CTNNBL1: variants seen among roughly 807,000 people sequenced by gnomAD.
The protein encoded by CTNNBL1 is catenin beta like 1.
CTNNBL1 carries 31 observed loss-of-function variants against 72.7 expected under a neutral mutation model. The observed-to-expected ratio is 0.43, with a 90% confidence interval of 0.32 to 0.58. The LOEUF is 0.58. Ranked by LOEUF, CTNNBL1 falls within the 20% of genes least tolerant of loss-of-function variation. The pLI is 0.08. For synonymous variants in CTNNBL1, 240 were observed against 267.3 expected (o/e 0.90, Z 1.00); for missense variants, 534 against 725.1 (o/e 0.74, Z 3.03).
At chr20:37,862,656 C>T (rs996872040) in intron 15 of CTNNBL1, among the ~76,000 whole-genome samples, 14 of 152,112 alleles carry the variant, frequency 9.2e-5, no homozygotes, top group African/African-American at 2.9e-4. Flanking sequence ...TCTGCACAGA[C>T]GCCATCTTCA....
At chr20:37,726,129 G>A (rs1023865120) in intron 1 of CTNNBL1, among the ~76,000 whole-genome samples, 2 of 152,210 alleles carry the variant, frequency 1.3e-5, no homozygotes. Context: ...CAGGACTGCT[G>A]AGTAGAGGTG....
intron 15 of CTNNBL1, among the ~76,000 whole-genome samples, chr20:37,863,400 C>G (rs987980295): frequency 2.0e-5 from 3 of 152,140 alleles, no homozygotes; most frequent in Non-Finnish European, 4.4e-5. Flanking sequence ...GGGAGAGGCT[C>G]AAAACTAATT....
intron 5 of CTNNBL1, among the ~76,000 whole-genome samples, chr20:37,759,216 G>A (rs920513425): frequency 3.9e-5 from 6 of 152,200 alleles, no homozygotes; most frequent in African/African-American, 1.4e-4. Flanking sequence ...GGATGATGTT[G>A]GGATGTCGTT....
rs148337235 is a variant in CTNNBL1, at chr20:37,840,694, G to T, written c.1311+495G>T. Among the ~76,000 whole-genome samples the T allele has an allele frequency of 5.6e-3, 853 of 152,348 alleles. 11 individuals carry two copies. The highest frequency in any genetic ancestry group is 6.0e-3 in the Non-Finnish European group (407 of 68,038). On this transcript the variant is annotated intron_variant, in intron 12 of 15. Coordinates refer to ENST00000361383, the MANE Select transcript of CTNNBL1 (RefSeq NM_030877.5). ...GTGGTGGTAATAAAATGAAGATAAT[G>T]ATAAGGAAATGGTAGAGCCTGCCCT...
intron 5 of CTNNBL1, among the ~76,000 whole-genome samples, chr20:37,758,858 A>T (rs2073389175): frequency 6.6e-6 from 1 of 152,200 alleles, no homozygotes; most frequent in African/African-American, 2.4e-5. Flanking sequence ...CCCAAGACCC[A>T]CTGAATCAGA....
chr20:37,718,210 G>C lies in CTNNBL1; in HGVS notation c.31-14669G>C, dbSNP rs1347429691. Among the ~76,000 whole-genome samples, 97 of 137,734 alleles carry C rather than the reference G, an allele frequency of 7.0e-4. No individual in the cohort carries two copies. The Middle Eastern group carries it at 0.019, about 27-fold the overall frequency. 90.4% of individuals were successfully genotyped at this position (137,734 alleles called of 152,430 possible). A position where few individuals can be genotyped will look rare whatever the true frequency, so the allele number is the denominator to read the frequency against. On this transcript the variant is annotated intron_variant, in intron 1 of 15. Transcript: ENST00000361383. ...CGGGCAGAGGCGCCCCTCACCTCCG[G>C]GACGGGGCGGCTGGCCGGGCGGGGG...
intron 11 of CTNNBL1, among the ~76,000 whole-genome samples, chr20:37,808,791 A>G (rs1006175277): frequency 6.6e-6 from 1 of 152,060 alleles, no homozygotes; most frequent in Non-Finnish European, 1.5e-5. Context: ...CACAGCTAAT[A>G]ATCAGCAGAC....
At chr20:37,805,292 C>T (rs1416332154) in intron 11 of CTNNBL1, among the ~76,000 whole-genome samples, 1 of 152,248 alleles carries the variant, frequency 6.6e-6, no homozygotes. Context: ...CTCATTCCTG[C>T]CCCCGGGCTT....
At chr20:37,780,371 C>T (rs2073616121) in intron 10 of CTNNBL1, among the ~76,000 whole-genome samples, 1 of 152,088 alleles carries the variant, frequency 6.6e-6, no homozygotes, top group Non-Finnish European at 1.5e-5. Flanking sequence ...CACAGAAATA[C>T]CTAAGACAGA....
At chr20:37,840,768 T>G (rs553494956) in intron 12 of CTNNBL1, among the ~76,000 whole-genome samples, 1 of 151,756 alleles carries the variant, frequency 6.6e-6, no homozygotes, top group African/African-American at 2.4e-5. Flanking sequence ...TTAGATGGAT[T>G]GGGCTATGGA....
At chr20:37,759,364 G>T (rs1028931592) in intron 5 of CTNNBL1, among the ~76,000 whole-genome samples, 4 of 152,222 alleles carry the variant, frequency 2.6e-5, no homozygotes, top group Middle Eastern at 3.4e-3. Context: ...TCCCTGGGCT[G>T]ATTTTAATTA....
chr20:37,764,748 G>T (rs2073449952), intron 5 of CTNNBL1, among the ~76,000 whole-genome samples: 1 of 152,192 alleles, frequency 6.6e-6, no homozygotes, highest in Non-Finnish European at 1.5e-5. Context: ...AATGTGGCTG[G>T]TGCACATTCT....
Position 37,777,414 on chromosome 20 carries a change from G to T in CTNNBL1, c.820G>T (p.Asp274Tyr). The T allele has an allele frequency of 6.2e-7, 1 of 1,613,740 alleles. No homozygotes were observed. The highest frequency in any genetic ancestry group is 8.5e-7 in the Non-Finnish European group (1 of 1,179,628). The change falls in exon 8 of 16, where the codon GAT becomes TAT. Residue 274 changes from aspartate (D) to tyrosine (Y), a missense_variant. By Grantham distance (160) the Asp-to-Tyr change is radical. Transcript: ENST00000361383. ...EVLAILLQDNDENRELLGELD... is the reference protein window; with the variant it reads ...EVLAILLQDNYENRELLGELD... ...GCTGGCCATATTGCTCCAGGACAAT[G>T]ATGGTGAGGCGCCCTCTCAGTATTG... is the stretch of plus-strand genomic sequence containing the variant.
At chr20:37,717,128 C>G in intron 1 of CTNNBL1, among the ~76,000 whole-genome samples, 1 of 152,004 alleles carries the variant, frequency 6.6e-6, no homozygotes, top group Admixed American at 6.6e-5. Flanking sequence ...GTCTCTATTC[C>G]TGGTAGTATA....
intron 13 of CTNNBL1, among the ~76,000 whole-genome samples, chr20:37,853,002 T>C (rs79275228): frequency 2.6e-5 from 4 of 152,314 alleles, no homozygotes; most frequent in African/African-American, 9.6e-5. Flanking sequence ...TATATCATAG[T>C]TTAGAGGAGT....
rs2072082899 is a variant in CTNNBL1 at position 37,818,960 on chromosome 20, A to G, written c.1213+15912A>G. 2.0e-5 allele frequency among the ~76,000 whole-genome samples: 3 copies of G among 152,036 alleles called. No homozygotes were observed. In the South Asian group the frequency reaches 6.2e-4, roughly 32 times the overall value. On this transcript the variant is annotated intron_variant, in intron 11 of 15. Transcript: ENST00000361383. ...CTTTCTGTTGTTCTTTTCCTTTTTTAGGCTCCCCTCACCACTATTTTAAAT... is the reference window on the plus strand; with the variant it reads ...CTTTCTGTTGTTCTTTTCCTTTTTTGGGCTCCCCTCACCACTATTTTAAAT...
chr20:37,761,321 C>T (rs1385322741), intron 5 of CTNNBL1, among the ~76,000 whole-genome samples: 1 of 152,162 alleles, frequency 6.6e-6, no homozygotes, highest in East Asian at 1.9e-4. Flanking sequence ...GGACTACCCT[C>T]CATACTCATT....
chr20:37,710,450 C>T (rs996022977), intron 1 of CTNNBL1, among the ~76,000 whole-genome samples: 3 of 152,168 alleles, frequency 2.0e-5, no homozygotes, highest in Middle Eastern at 3.2e-3. Context: ...TTTGGATGAA[C>T]TGCAAAACTT....
intron 1 of CTNNBL1, among the ~76,000 whole-genome samples, chr20:37,700,819 T>C (rs1332039474): frequency 6.6e-6 from 1 of 152,200 alleles, no homozygotes; most frequent in African/African-American, 2.4e-5. Flanking sequence ...TGTATTCTTT[T>C]TGAGGCAAAT....
Sources: gnomAD v4.1 joint callset for allele counts (sites outside exome capture counted in the v4.1 genomes callset) on GRCh38, gnomAD v4.1.1 for gene constraint, MANE v1.5 for transcripts, NCBI Gene and HGNC (gene_info 2026-07-23, HGNC 2026-07-21) for gene names.